The following CBL variants were observed in gnomAD, a reference collection of about 807,000 sequenced individuals.
The protein encoded by CBL is E3 ubiquitin-protein ligase CBL.
Under a neutral mutation model 96.9 loss-of-function variants are expected in CBL, and 45 were observed. That is an observed-to-expected ratio of 0.46 (90% CI 0.37 to 0.60). The LOEUF (loss-of-function observed/expected upper bound fraction) is 0.60. CBL is among the 20% of genes least tolerant of loss of function. The pLI is 0.00. For missense variants in CBL, 1,024 were observed against 1,143.5 expected, an observed-to-expected ratio of 0.90 and a Z score of 1.51; for synonymous variants, 420 against 426.8, an observed-to-expected ratio of 0.98 and a Z score of 0.20.
At position 119,302,507 on chromosome 11, in the gene CBL, C is replaced by T. The variant is rs560335672; in HGVS notation, c.*2726C>T. The T allele has an allele frequency of 2.1e-4, 50 of 232,768 alleles. No homozygotes were observed. The highest frequency in any genetic ancestry group is 9.9e-4 in the African/African-American group (45 of 45,424). The allele number at this position is 232,768 out of a possible 1,614,324, so 14.4% of individuals were successfully genotyped here. On this transcript the variant is annotated 3_prime_UTR_variant, in exon 16 of 16. Transcript: ENST00000264033. ...TTTTGCCATTTTGGGCAAGCCCTTC[C>T]GCTTGTCCCTTCCTAGTGGCTAATA...
Position 119,298,931 on chromosome 11 carries a change from A to G in CBL, c.2434+391A>G, listed in dbSNP as rs540732826. 4.6e-5 allele frequency among the ~76,000 whole-genome samples: 7 copies of G among 152,324 alleles called. No individual in the cohort carries two copies. In the South Asian group the frequency reaches 1.0e-3, roughly 23 times the overall value. ...CACTGAATGGGCCTGGAGCCAGCCCATGTTGGGCCTTGACTACTGGAGGCT... is the reference window on the plus strand; with the variant it reads ...CACTGAATGGGCCTGGAGCCAGCCCGTGTTGGGCCTTGACTACTGGAGGCT... On this transcript the variant is annotated intron_variant, in intron 15 of 15. Coordinates refer to ENST00000264033, the MANE Select transcript of CBL (RefSeq NM_005188.4).
In CBL at chr11:119,285,540, A is replaced by G; in HGVS notation, c.1915A>G (p.Ser639Gly). Residue 639 changes from serine to glycine, a missense_variant, in exon 11 of 16, where the codon AGC (serine) becomes GGC (glycine). By Grantham distance (56) the Ser-to-Gly change is moderately conservative (BLOSUM62 0). This residue lies in a region of CBL where 695 missense variants were observed against 661.6 expected (regional missense o/e 1.05). Coordinates refer to ENST00000264033, the MANE Select transcript of CBL (RefSeq NM_005188.4). Reference sequence around the variant, plus strand: ...CAGACCAGATGTGCCTAGGCTCGGAAGCACGTTCAGTCTGGATACCTCCAT... The same window carrying G: ...CAGACCAGATGTGCCTAGGCTCGGAGGCACGTTCAGTCTGGATACCTCCAT... ...EPRPDVPRLG[S>G]TFSLDTSMSM... 6.2e-7 allele frequency: 1 copy of G among 1,614,106 alleles called. No homozygotes were observed.
chr11:119,207,186 A>T lies in CBL; in HGVS notation c.195+574A>T, dbSNP rs1012984738. 2.6e-4 allele frequency among the ~76,000 whole-genome samples: 39 copies of T among 152,122 alleles called. 1 individual carries two copies. Among genetic ancestry groups the T allele is most frequent in the Non-Finnish European group, 8.8e-5 (6 of 68,032 alleles). ...TAACACGAAGATAAAAGACATATTG[A>T]TGTTTAAGTGAGGCAAGGAAAGAAC... On this transcript the variant is annotated intron_variant, in intron 1 of 15. Transcript: ENST00000264033.
chr11:119,258,264 G>T (rs1949726167), intron 2 of CBL, among the ~76,000 whole-genome samples: 1 of 152,060 alleles, frequency 6.6e-6, no homozygotes, highest in Non-Finnish European at 1.5e-5. Flanking sequence ...AAAGACTTGA[G>T]ACTGTAATTT....
intron 2 of CBL, among the ~76,000 whole-genome samples, chr11:119,244,242 T>A (rs1949607691): frequency 6.6e-6 from 1 of 152,176 alleles, no homozygotes; most frequent in Non-Finnish European, 1.5e-5. Context: ...AAGTCACAGT[T>A]AGTTCTCAGC....
At chr11:119,289,280 A>G (rs191087865) in intron 12 of CBL, among the ~76,000 whole-genome samples, 79 of 152,324 alleles carry the variant, frequency 5.2e-4, no homozygotes, top group Non-Finnish European at 9.8e-4. Context: ...GGAGAATGTT[A>G]AATTCTCCAC....
chr11:119,258,716 C>G (rs1322851590), intron 2 of CBL, among the ~76,000 whole-genome samples: 1 of 152,046 alleles, frequency 6.6e-6, no homozygotes, highest in Non-Finnish European at 1.5e-5. Context: ...AATGTCATGC[C>G]TTTAGATTTG....
intron 1 of CBL, among the ~76,000 whole-genome samples, chr11:119,211,976 A>G (rs181499984): frequency 3.3e-5 from 5 of 152,134 alleles, no homozygotes; most frequent in South Asian, 4.2e-4. Flanking sequence ...CTGGAGTGCA[A>G]TGGCATGATC....
At chr11:119,246,872 A>G (rs953639787) in intron 2 of CBL, among the ~76,000 whole-genome samples, 11 of 152,248 alleles carry the variant, frequency 7.2e-5, no homozygotes, top group Non-Finnish European at 1.2e-4. Context: ...TGATTTCGTA[A>G]CACACATTGG....
chr11:119,244,403 G>T (rs964565279), intron 2 of CBL, among the ~76,000 whole-genome samples: 1 of 145,864 alleles, frequency 6.9e-6, no homozygotes, highest in Admixed American at 6.8e-5. Flanking sequence ...AACATGGTTT[G>T]CTTTTTATTT....
intron 2 of CBL, among the ~76,000 whole-genome samples, chr11:119,267,498 T>G (rs1949812206): frequency 6.6e-6 from 1 of 152,194 alleles, no homozygotes; most frequent in South Asian, 2.1e-4. Flanking sequence ...GTCCAGTTAT[T>G]CCAAGACCCA....
chr11:119,306,608 T>C lies in CBL; in HGVS notation c.*6827T>C. 2.7e-6 allele frequency: 1 copy of C among 373,376 alleles called. No homozygotes were observed. The highest frequency in any genetic ancestry group is 4.8e-6 in the Non-Finnish European group (1 of 210,018). 23.1% of individuals were successfully genotyped at this position (373,376 alleles called of 1,614,324 possible). ...ACCTTCTTGTGGGTGAGGGTGGCCA[T>C]GCTTATGGCCATCTTAAAACTGGAG... On this transcript the variant is annotated 3_prime_UTR_variant, in exon 16 of 16. Coordinates refer to ENST00000264033, the MANE Select transcript of CBL (RefSeq NM_005188.4).
chr11:119,242,684 A>T (rs1429081460), intron 2 of CBL, among the ~76,000 whole-genome samples: 1 of 145,436 alleles, frequency 6.9e-6, no homozygotes, highest in Admixed American at 6.9e-5. Flanking sequence ...TGAGGTGGGG[A>T]GGATCACTTG....
intron 2 of CBL, among the ~76,000 whole-genome samples, chr11:119,264,510 C>G (rs1949785691): frequency 6.7e-6 from 1 of 149,344 alleles, no homozygotes; most frequent in Admixed American, 6.8e-5. Flanking sequence ...GAGACAGGGT[C>G]TGTCTCTGTT....
At position 119,252,904 on chromosome 11, in the gene CBL, TA is replaced by T. The variant is rs565922925; in HGVS notation, c.444-18822del. ...CTCAAGAAAAAAAAAAAAAAAAGAT[TA>T]AAAAAAAATAAAATCACTAGGTTGA... On this transcript the variant is annotated intron_variant, in intron 2 of 15. Coordinates refer to ENST00000264033, the MANE Select transcript of CBL (RefSeq NM_005188.4). Among the ~76,000 whole-genome samples, 855 of 149,918 alleles carry T rather than the reference TA, an allele frequency of 5.7e-3. 9 individuals carry two copies. The highest frequency in any genetic ancestry group is 0.016 in the South Asian group (75 of 4,724).
At chr11:119,252,887 A>G (rs1041993745) in intron 2 of CBL, among the ~76,000 whole-genome samples, 2 of 151,254 alleles carry the variant, frequency 1.3e-5, no homozygotes, top group African/African-American at 4.9e-5. Context: ...ATCTCAAGAA[A>G]AAAAAAAAAA....
Position 119,206,634 on chromosome 11 carries a change from C to T in CBL, c.195+22C>T, listed in dbSNP as rs371907332. The stretch of plus-strand genomic sequence containing the variant: ...CAAGGTGAAAGGCCGGCTGAGCGCC[C>T]GCTGTTGCAGGGTGGGCGTGGGCGG... On this transcript the variant is annotated intron_variant, in intron 1 of 15. Coordinates refer to ENST00000264033, the MANE Select transcript of CBL (RefSeq NM_005188.4). 330 of 1,542,988 alleles carry T rather than the reference C, an allele frequency of 2.1e-4. No individual in the cohort carries two copies. Among genetic ancestry groups the T allele is most frequent in the South Asian group, 7.4e-4 (62 of 83,316 alleles).
chr11:119,287,366 A>G (rs1181237570), intron 11 of CBL, among the ~76,000 whole-genome samples: 1 of 152,226 alleles, frequency 6.6e-6, no homozygotes, highest in Non-Finnish European at 1.5e-5. Flanking sequence ...CAGAAATCCA[A>G]GGAGGCAGAA....
chr11:119,265,155 A>T (rs1949792228), intron 2 of CBL, among the ~76,000 whole-genome samples: 1 of 152,238 alleles, frequency 6.6e-6, no homozygotes, highest in South Asian at 2.1e-4. Context: ...AGCTAGGATT[A>T]CAAGTGTGAG....
Sources: gnomAD v4.1 joint callset for allele counts (sites outside exome capture counted in the v4.1 genomes callset) on GRCh38, gnomAD v4.1.1 for gene constraint, gnomAD v4.1.1 regional missense constraint, MANE v1.5 for transcripts, NCBI Gene and HGNC (gene_info 2026-07-23, HGNC 2026-07-21) for gene names.